The following MTSS1 variants were observed in gnomAD, a reference collection of about 807,000 sequenced individuals.
MTSS1 encodes the protein MTSS I-BAR domain containing 1.
Under a neutral mutation model 79.0 loss-of-function variants are expected in MTSS1, and 18 were observed. The ratio of observed to expected loss-of-function variants is 0.23; its 90% CI spans 0.16 to 0.34. MTSS1 has a LOEUF of 0.34. MTSS1 is among the 10% of genes least tolerant of loss of function. The pLI, the probability that MTSS1 is intolerant of heterozygous loss-of-function variation, is 1.00. For missense variants in MTSS1, 815 were observed against 986.2 expected (o/e 0.83, Z 2.33); for synonymous variants, 341 against 368.6 (o/e 0.93, Z 0.86).
intron 13 of MTSS1, among the ~76,000 whole-genome samples, chr8:124,555,390 C>T (rs923265077): frequency 5.9e-5 from 9 of 152,124 alleles, no homozygotes; most frequent in South Asian, 4.1e-4. Context: ...GGACTACAGG[C>T]GCCTGCCACC....
At chr8:124,601,399 C>T (rs2132999517) in intron 3 of MTSS1, among the ~76,000 whole-genome samples, 1 of 152,242 alleles carries the variant, frequency 6.6e-6, no homozygotes, top group East Asian at 1.9e-4. Flanking sequence ...GAGCTCACAA[C>T]AGTTGCATCA....
At chr8:124,654,502 C>T (rs1425805108) in intron 3 of MTSS1, among the ~76,000 whole-genome samples, 1 of 152,066 alleles carries the variant, frequency 6.6e-6, no homozygotes, top group African/African-American at 2.4e-5. Context: ...AATGATCAAT[C>T]AAAATTCTGG....
At chr8:124,612,169 A>G (rs755837933) in intron 3 of MTSS1, among the ~76,000 whole-genome samples, 4 of 152,222 alleles carry the variant, frequency 2.6e-5, no homozygotes, top group African/African-American at 4.8e-5. Context: ...ACCACTCCCA[A>G]CAGTTTCCCC....
At chr8:124,638,976 A>G (rs925620492) in intron 3 of MTSS1, among the ~76,000 whole-genome samples, 13 of 152,214 alleles carry the variant, frequency 8.5e-5, no homozygotes, top group African/African-American at 2.7e-4. Context: ...CTTACTACAC[A>G]TTGTCACAAC....
intron 3 of MTSS1, among the ~76,000 whole-genome samples, chr8:124,638,934 T>C (rs1327429003): frequency 6.6e-6 from 1 of 152,232 alleles, no homozygotes; most frequent in Non-Finnish European, 1.5e-5. Context: ...GCGGGCCAGT[T>C]TGAATTCATC....
At chr8:124,713,832 C>T (rs1334298855) in intron 1 of MTSS1, among the ~76,000 whole-genome samples, 4 of 152,014 alleles carry the variant, frequency 2.6e-5, no homozygotes, top group African/African-American at 7.3e-5. Flanking sequence ...ATTGCTGCCT[C>T]GACTTCCCAG....
At chr8:124,673,536 TG>T (rs996117487) in intron 3 of MTSS1, 1 of 151,534 alleles carries the variant, frequency 6.6e-6, no homozygotes, top group African/African-American at 2.4e-5. Flanking sequence ...CCAGGGGAGG[TG>T]GAAGAGTGAG....
intron 3 of MTSS1, among the ~76,000 whole-genome samples, chr8:124,593,322 T>C (rs1201593943): frequency 6.6e-6 from 1 of 152,254 alleles, no homozygotes; most frequent in African/African-American, 2.4e-5. Context: ...GAGTGTAAAC[T>C]ACTACTTTCC....
rs549508708 is a variant in MTSS1, at chr8:124,675,348, C to T, written c.208+24178G>A. Reference sequence around the variant, plus strand: ...AGTTCCATTGCCCTTGAGCTCTGTTCGGGTCCCCTATGTGTAAAGGTGTGT... The same window carrying T: ...AGTTCCATTGCCCTTGAGCTCTGTTTGGGTCCCCTATGTGTAAAGGTGTGT... On this transcript the variant is annotated intron_variant, in intron 3 of 13. Transcript: ENST00000518547. 1.8e-4 allele frequency among the ~76,000 whole-genome samples: 28 copies of T among 152,326 alleles called. No individual in the cohort carries two copies. The South Asian group carries it at 3.1e-3, about 17-fold the overall frequency.
chr8:124,718,261 T>A (rs1028386260), intron 1 of MTSS1, among the ~76,000 whole-genome samples: 2 of 150,298 alleles, frequency 1.3e-5, no homozygotes, highest in African/African-American at 2.5e-5. Flanking sequence ...ATCTGCTAAT[T>A]TTTTTTTTTT....
intron 3 of MTSS1, among the ~76,000 whole-genome samples, chr8:124,652,608 G>T (rs1217855266): frequency 6.6e-6 from 1 of 151,278 alleles, no homozygotes; most frequent in Admixed American, 6.6e-5. Context: ...CAGCCTGGCC[G>T]ACCTGGTGAA....
chr8:124,695,044 A>G (rs1348973076), intron 3 of MTSS1, among the ~76,000 whole-genome samples: 1 of 152,208 alleles, frequency 6.6e-6, no homozygotes, highest in African/African-American at 2.4e-5. Context: ...TTAAGTTCTA[A>G]CATATTTCCA....
chr8:124,651,277 T>C (rs1819908638), intron 3 of MTSS1, among the ~76,000 whole-genome samples: 1 of 152,252 alleles, frequency 6.6e-6, no homozygotes, highest in African/African-American at 2.4e-5. Context: ...GCTGATAACA[T>C]ACCACAAAGT....
intron 3 of MTSS1, among the ~76,000 whole-genome samples, chr8:124,639,495 G>C (rs1817632458): frequency 6.6e-6 from 1 of 150,714 alleles, no homozygotes; most frequent in Non-Finnish European, 1.5e-5. Flanking sequence ...TTTTCCCTGA[G>C]ACAGGGTCTT....
chr8:124,605,453 T>C (rs1834623121), intron 3 of MTSS1, among the ~76,000 whole-genome samples: 2 of 152,136 alleles, frequency 1.3e-5, no homozygotes, highest in Non-Finnish European at 2.9e-5. Flanking sequence ...ATCAGGGAGT[T>C]AGTGTTCTAG....
Position 124,602,194 on chromosome 8 carries a change from T to TATATATATACACACACACAC in MTSS1, c.209-10960_209-10959insGTGTGTGTGTGTATATATAT, listed in dbSNP as rs1554665926. Among the ~76,000 whole-genome samples, 14 of 141,858 alleles carry TATATATATACACACACACAC rather than the reference T, an allele frequency of 9.9e-5. No individual in the cohort carries two copies. In the East Asian group the frequency reaches 2.3e-3, roughly 23 times the overall value. 93.1% of individuals were successfully genotyped at this position (141,858 alleles called of 152,430 possible). A position where few individuals can be genotyped will look rare whatever the true frequency, so the allele number is the denominator to read the frequency against. ...AATAAATCTCATATATATACATATA[T>TATATATATACACACACACAC]ATATATATATATAATTTTTTTTTGA... On this transcript the variant is annotated intron_variant, in intron 3 of 13. Transcript: ENST00000518547.
chr8:124,659,126 A>G (rs562091063), intron 3 of MTSS1, among the ~76,000 whole-genome samples: 1 of 152,262 alleles, frequency 6.6e-6, no homozygotes, highest in African/African-American at 2.4e-5. Flanking sequence ...CAAGAACTCA[A>G]CACTAGTTAA....
At chr8:124,561,971 G>A (rs1586814351) in intron 10 of MTSS1, among the ~76,000 whole-genome samples, 1 of 152,300 alleles carries the variant, frequency 6.6e-6, no homozygotes, top group East Asian at 1.9e-4. Context: ...GCTGAGCTGT[G>A]AGGAGAGGAA....
intron 3 of MTSS1, among the ~76,000 whole-genome samples, chr8:124,618,256 A>G (rs764318257): frequency 2.0e-5 from 3 of 152,162 alleles, no homozygotes; most frequent in Non-Finnish European, 2.9e-5. Context: ...TGTCTACTTC[A>G]AAGTCCCAGA....
Sources: gnomAD v4.1 joint callset for allele counts (sites outside exome capture counted in the v4.1 genomes callset) on GRCh38, gnomAD v4.1.1 for gene constraint, MANE v1.5 for transcripts, NCBI Gene and HGNC (gene_info 2026-07-23, HGNC 2026-07-21) for gene names.